Variants in IL17RD observed in about 807,000 individuals in gnomAD.
The protein encoded by IL17RD is interleukin 17 receptor D, also known as interleukin-17 receptor D.
A neutral mutation model predicts 80.5 loss-of-function variants in IL17RD; 52 were observed. The observed-to-expected ratio is 0.65, with a 90% CI of 0.52 to 0.81. The LOEUF (loss-of-function observed/expected upper bound fraction) is 0.81. Among genes scored for constraint, IL17RD ranks in the 40% least tolerant of loss-of-function variants. The pLI is 0.00. For synonymous variants in IL17RD, 416 were observed against 391.8 expected, an observed-to-expected ratio of 1.06 and a Z score of -0.73; for missense variants, 1,024 against 955.1, an observed-to-expected ratio of 1.07 and a Z score of -0.95.
chr3:57,108,130 G>T (rs1269444337), intron 5 of IL17RD, among the ~76,000 whole-genome samples: 3 of 151,554 alleles, frequency 2.0e-5, no homozygotes, highest in African/African-American at 4.9e-5. Context: ...CATGATCTCA[G>T]CTCACTGCAA....
intron 1 of IL17RD, among the ~76,000 whole-genome samples, chr3:57,150,928 G>C (rs1708046815): frequency 6.6e-6 from 1 of 152,126 alleles, no homozygotes; most frequent in African/African-American, 2.4e-5. Flanking sequence ...CTCTGCTGAG[G>C]ATTCCTGGAA....
At chr3:57,145,705 T>G (rs1707911605) in intron 1 of IL17RD, among the ~76,000 whole-genome samples, 1 of 152,112 alleles carries the variant, frequency 6.6e-6, no homozygotes, top group African/African-American at 2.4e-5. Context: ...ACCCTCTGAA[T>G]TAAAGGTTCA....
chr3:57,100,030 T>C (rs1261621057), intron 11 of IL17RD, among the ~76,000 whole-genome samples: 1 of 152,250 alleles, frequency 6.6e-6, no homozygotes, highest in Non-Finnish European at 1.5e-5. Flanking sequence ...CTTAATCAGT[T>C]TGGGATTCCA....
chr3:57,111,419 A>G (rs1337268539), intron 3 of IL17RD, among the ~76,000 whole-genome samples: 1 of 152,158 alleles, frequency 6.6e-6, no homozygotes, highest in African/African-American at 2.4e-5. Flanking sequence ...GCTGTATTTC[A>G]ATTACAAAGC....
At chr3:57,165,119 C>G in intron 1 of IL17RD, 42 bp downstream of exon 1, 1 of 1,487,430 alleles carries the variant, frequency 6.7e-7, no homozygotes, top group Non-Finnish European at 8.9e-7. Flanking sequence ...CTGCGTCCCC[C>G]GCGAGTTGGC....
Position 57,127,339 on chromosome 3 carries a change from A to ATAAATAT in IL17RD, c.127-7027_127-7026insATATTTA, listed in dbSNP as rs1475671917. Among the ~76,000 whole-genome samples the ATAAATAT allele has an allele frequency of 2.1e-4, 14 of 67,204 alleles. 1 individual carries two copies. The highest frequency in any genetic ancestry group is 1.1e-3 in the African/African-American group (14 of 13,272). The allele number at this position is 67,204 out of a possible 152,430, so 44.1% of individuals were successfully genotyped here. ...AAAAATATATATAAATATATATAAA[A>ATAAATAT]ATATATATAAATATATATAAATATA... On this transcript the variant is annotated intron_variant, in intron 1 of 12. Coordinates refer to ENST00000296318, the MANE Select transcript of IL17RD (RefSeq NM_017563.5).
intron 1 of IL17RD, chr3:57,164,876 G>A: frequency 1.7e-6 from 2 of 1,191,944 alleles, no homozygotes; most frequent in Admixed American, 5.0e-5. Context: ...GCCCAGCCCC[G>A]CCGCCCCTCA....
chr3:57,164,851 A>C, intron 1 of IL17RD: 4 of 1,116,740 alleles, frequency 3.6e-6, no homozygotes, highest in Non-Finnish European at 4.4e-6. Context: ...CCAAGAACAA[A>C]GGGTGGGGCG....
At chr3:57,121,988 T>C (rs1707350111) in intron 1 of IL17RD, among the ~76,000 whole-genome samples, 1 of 152,090 alleles carries the variant, frequency 6.6e-6, no homozygotes. Context: ...TAACATGGGG[T>C]TCATTATTTC....
At chr3:57,115,863 A>T (rs1707204324) in intron 2 of IL17RD, among the ~76,000 whole-genome samples, 1 of 152,202 alleles carries the variant, frequency 6.6e-6, no homozygotes, top group Admixed American at 6.5e-5. Context: ...TTTGGGATAA[A>T]GCATTCCAGG....
intron 1 of IL17RD, among the ~76,000 whole-genome samples, chr3:57,123,950 C>T (rs111888204): frequency 0.16 from 24,091 of 152,064 alleles, 2,474 homozygotes; most frequent in East Asian, 0.37. Flanking sequence ...GAGGCTGAGG[C>T]GGGAGAATCG....
At chr3:57,167,989 C>G (rs1327705204), upstream of IL17RD, among the ~76,000 whole-genome samples, 1 of 152,154 alleles carries the variant, frequency 6.6e-6, no homozygotes, top group Non-Finnish European at 1.5e-5. Flanking sequence ...CAACACTGCA[C>G]CCAGCTAATT....
intron 1 of IL17RD, among the ~76,000 whole-genome samples, chr3:57,127,274 AAATATATAT>A: frequency 1.3e-5 from 1 of 77,624 alleles, no homozygotes; most frequent in African/African-American, 6.3e-5. Context: ...ATATATATAA[AAATATATAT>A]AAATATATAT....
At chr3:57,154,318 A>T (rs2060253574) in intron 1 of IL17RD, among the ~76,000 whole-genome samples, 1 of 150,018 alleles carries the variant, frequency 6.7e-6, no homozygotes, top group African/African-American at 2.5e-5. Flanking sequence ...ACACGTCATA[A>T]ATCCATTTAA....
Position 57,134,776 on chromosome 3 carries a change from A to G in IL17RD, c.127-14463T>C, listed in dbSNP as rs1444347061. On this transcript the variant is annotated intron_variant, in intron 1 of 12. Transcript: ENST00000296318. ...GCCTCAGCGATTACGTAGATCAACCACTAAAATAAAACAAGCCTTTACCTG... is the reference window on the plus strand; with the variant it reads ...GCCTCAGCGATTACGTAGATCAACCGCTAAAATAAAACAAGCCTTTACCTG... 5 of 451,920 alleles carry G rather than the reference A, an allele frequency of 1.1e-5. No individual in the cohort carries two copies. The East Asian group carries it at 2.2e-4, about 20-fold the overall frequency. The allele number at this position is 451,920 out of a possible 1,614,324, so 28.0% of individuals were successfully genotyped here.
chr3:57,156,218 A>G lies in IL17RD; in HGVS notation c.126+8943T>C, dbSNP rs578020184. 1.1e-4 allele frequency among the ~76,000 whole-genome samples: 17 copies of G among 152,318 alleles called. No homozygotes were observed. In the South Asian group the frequency reaches 3.5e-3, roughly 32 times the overall value. On this transcript the variant is annotated intron_variant, in intron 1 of 12. Transcript: ENST00000296318. ...AAGTGAAGAAAAGAGGACAGTGAGCAGCAAGTTGCTATTGGAAAGAGCATG... is the reference window on the plus strand; with the variant it reads ...AAGTGAAGAAAAGAGGACAGTGAGCGGCAAGTTGCTATTGGAAAGAGCATG...
intron 1 of IL17RD, among the ~76,000 whole-genome samples, chr3:57,144,856 T>C (rs1262331870): frequency 3.3e-5 from 5 of 152,214 alleles, no homozygotes; most frequent in East Asian, 3.9e-4. Context: ...TGCACTCTTA[T>C]CTGCTTCATG....
At chr3:57,101,841 G>C (rs963490971) in intron 10 of IL17RD, among the ~76,000 whole-genome samples, 4 of 152,162 alleles carry the variant, frequency 2.6e-5, no homozygotes, top group Non-Finnish European at 5.9e-5. Context: ...CCAAGCTATG[G>C]ATCATTTCCA....
rs1560190256 is a variant in IL17RD, at chr3:57,093,088, G to A, written c.*3305C>T. ...ATTACCCACTGTGGGTGGAACAGGG[G>A]CGCTTCAGTTTGCCACAGTCCCCAC... is the stretch of plus-strand genomic sequence containing the variant. On this transcript the variant is annotated 3_prime_UTR_variant, in exon 13 of 13. Coordinates refer to ENST00000296318, the MANE Select transcript of IL17RD (RefSeq NM_017563.5). The A allele has an allele frequency of 6.6e-6, 1 of 152,140 alleles. No individual in the cohort carries two copies. The highest frequency in any genetic ancestry group is 1.5e-5 in the Non-Finnish European group (1 of 68,040). The allele number at this position is 152,140 out of a possible 1,614,324, so 9.4% of individuals were successfully genotyped here.
Sources: gnomAD v4.1 joint callset for allele counts (sites outside exome capture counted in the v4.1 genomes callset) on GRCh38, gnomAD v4.1.1 for gene constraint, MANE v1.5 for transcripts, NCBI Gene and HGNC (gene_info 2026-07-23, HGNC 2026-07-21) for gene names.